Variants in PSIP1 observed in about 807,000 individuals in gnomAD.
PSIP1 encodes PC4 and SFRS1-interacting protein.
Under a neutral mutation model 74.7 loss-of-function variants are expected in PSIP1, and 19 were observed. The ratio of observed to expected loss-of-function variants is 0.25; its 90% confidence interval spans 0.18 to 0.37. The LOEUF (loss-of-function observed/expected upper bound fraction) is 0.37, where lower values mean the gene tolerates loss of function less well. Among genes scored for constraint, PSIP1 ranks in the 10% least tolerant of loss-of-function variants. PSIP1 has a pLI of 1.00. For missense variants in PSIP1, 601 were observed against 614.3 expected, an observed-to-expected ratio of 0.98 and a Z score of 0.23; for synonymous variants, 222 against 195.3, an observed-to-expected ratio of 1.14 and a Z score of -1.14.
At chr9:15,506,717 A>C in intron 2 of PSIP1, 80 bp from the exon 3 acceptor site, 2 of 1,050,860 alleles carry the variant, frequency 1.9e-6, no homozygotes, top group African/African-American at 1.6e-5. Context: ...AGAGCACAAC[A>C]TCCAAAAGGG....
intron 3 of PSIP1, among the ~76,000 whole-genome samples, chr9:15,495,495 T>C (rs547521270): frequency 3.9e-5 from 6 of 152,278 alleles, no homozygotes; most frequent in South Asian, 4.1e-4. Context: ...GTAAAACCAA[T>C]ACCAACTTAG....
intron 2 of PSIP1, 134 bp from the exon 3 acceptor site, chr9:15,506,771 A>G (rs775332852): frequency 6.0e-5 from 36 of 597,532 alleles, no homozygotes; most frequent in Non-Finnish European, 8.8e-5. Context: ...ATAATCTCCT[A>G]TCCCCAAATC....
chr9:15,484,240 G>A (rs927889025), intron 6 of PSIP1, among the ~76,000 whole-genome samples: 9 of 150,920 alleles, frequency 6.0e-5, no homozygotes, highest in Non-Finnish European at 1.0e-4. Flanking sequence ...GAGGATCACC[G>A]AGGCTGGGAG....
chr9:15,500,422 G>A (rs925098519), intron 3 of PSIP1, among the ~76,000 whole-genome samples: 7 of 151,928 alleles, frequency 4.6e-5, no homozygotes, highest in East Asian at 1.9e-4. Context: ...CGGAGATTGC[G>A]CCACTGCCAC....
chr9:15,497,099 T>G (rs1306623142), intron 3 of PSIP1, among the ~76,000 whole-genome samples: 1 of 152,130 alleles, frequency 6.6e-6, no homozygotes, highest in South Asian at 2.1e-4. Context: ...CAAAAAAACT[T>G]GGACACAAAT....
chr9:15,490,953 T>G (rs1417340746), intron 3 of PSIP1, among the ~76,000 whole-genome samples: 2 of 152,234 alleles, frequency 1.3e-5, no homozygotes, highest in Non-Finnish European at 2.9e-5. Flanking sequence ...TTGCTATCTG[T>G]GGTAGTAATG....
chr9:15,492,627 G>A (rs1345849909), intron 3 of PSIP1, among the ~76,000 whole-genome samples: 2 of 152,134 alleles, frequency 1.3e-5, no homozygotes, highest in Admixed American at 1.3e-4. Flanking sequence ...CTCGGTGTCG[G>A]GGATGCAACC....
intron 3 of PSIP1, among the ~76,000 whole-genome samples, chr9:15,492,908 C>T (rs2036901995): frequency 6.6e-6 from 1 of 152,178 alleles, no homozygotes; most frequent in African/African-American, 2.4e-5. Context: ...ACACAGGGCA[C>T]CAAGTCCCAA....
chr9:15,486,803 A>C, intron 5 of PSIP1, 24 bp downstream of exon 5: 1 of 1,521,858 alleles, frequency 6.6e-7, no homozygotes, highest in Non-Finnish European at 9.0e-7. Flanking sequence ...ATGGGTTTAA[A>C]ATGTTAGGAG....
intron 10 of PSIP1, chr9:15,471,322 A>G: frequency 6.4e-7 from 1 of 1,566,892 alleles, no homozygotes; most frequent in Non-Finnish European, 8.8e-7. Context: ...CTGTCCAAGT[A>G]CAAAGTTTTG....
At position 15,470,494 on chromosome 9, in the gene PSIP1, C is replaced by A. The variant is rs995876640; in HGVS notation, c.978-501G>T. ...CGTCCAGTAACATTCACTAACATTT[C>A]ACAAAAGGTACCATTTTATTGTCAA... On this transcript the variant is annotated intron_variant, in intron 10 of 15. Transcript: ENST00000380733. 1.4e-5 allele frequency: 11 copies of A among 758,624 alleles called. No homozygotes were observed. The African/African-American group carries it at 2.1e-4, about 14-fold the overall frequency. The allele number at this position is 758,624 out of a possible 1,614,324, so 47.0% of individuals were successfully genotyped here.
intron 3 of PSIP1, among the ~76,000 whole-genome samples, chr9:15,499,623 C>T (rs1397767181): frequency 6.6e-6 from 1 of 152,064 alleles, no homozygotes; most frequent in African/African-American, 2.4e-5. Context: ...TCTGTAATCC[C>T]AACACTTTAG....
chr9:15,483,831 A>C (rs1176707346), intron 6 of PSIP1, among the ~76,000 whole-genome samples: 1 of 152,182 alleles, frequency 6.6e-6, no homozygotes, highest in Non-Finnish European at 1.5e-5. Context: ...GTCTTTACTA[A>C]ATATACAAAA....
rs555935399 is a variant in PSIP1 at position 15,510,519 on chromosome 9, C to T, written c.-141-190G>A. ...CCCGCCACCGAAGAGACGCCACCAC[C>T]TGAAGCAGGGATGCTGCCCGGCCAG... On this transcript the variant is annotated intron_variant, in intron 1 of 15. Transcript: ENST00000380733. Among the ~76,000 whole-genome samples, 10 of 152,226 alleles carry T rather than the reference C, an allele frequency of 6.6e-5. No individual in the cohort carries two copies. The South Asian group carries it at 1.7e-3, about 25-fold the overall frequency.
intron 4 of PSIP1, among the ~76,000 whole-genome samples, chr9:15,488,202 C>T (rs924876541): frequency 2.0e-5 from 3 of 151,880 alleles, no homozygotes; most frequent in Non-Finnish European, 2.9e-5. Flanking sequence ...GGTGGCAAAG[C>T]GCACACGTAA....
At chr9:15,469,172 C>T (rs2035741774) in intron 12 of PSIP1, 94 bp downstream of exon 12, 1 of 1,316,716 alleles carries the variant, frequency 7.6e-7, no homozygotes, top group Non-Finnish European at 1.1e-6. Context: ...CAGTAATTAT[C>T]CCTTAAATTT....
chr9:15,471,987 A>G, intron 10 of PSIP1: 1 of 974,166 alleles, frequency 1.0e-6, no homozygotes, highest in Non-Finnish European at 1.2e-6. Context: ...TAATAAAGAC[A>G]CGAAGTCTGT....
chr9:15,491,371 T>C (rs1238041997), intron 3 of PSIP1, among the ~76,000 whole-genome samples: 1 of 152,232 alleles, frequency 6.6e-6, no homozygotes, highest in Non-Finnish European at 1.5e-5. Flanking sequence ...CATTCCCTTG[T>C]ACAACCTCAG....
chr9:15,475,737 A>C (rs2036047850), intron 8 of PSIP1, among the ~76,000 whole-genome samples: 1 of 152,146 alleles, frequency 6.6e-6, no homozygotes, highest in African/African-American at 2.4e-5. Flanking sequence ...GTGCCAAAAC[A>C]ATTTACATAA....
Sources: gnomAD v4.1 joint callset for allele counts (sites outside exome capture counted in the v4.1 genomes callset) on GRCh38, gnomAD v4.1.1 for gene constraint, MANE v1.5 for transcripts, NCBI Gene and HGNC (gene_info 2026-07-23, HGNC 2026-07-21) for gene names.